The following GALNT11 variants were observed in gnomAD, a reference collection of about 807,000 sequenced individuals.
GALNT11 encodes polypeptide N-acetylgalactosaminyltransferase 11, also known as UDP-GalNAc:polypeptide N-acetylgalactosaminyltransferase 11.
In GALNT11, 47 loss-of-function variants were observed where a neutral mutation model predicts 72.7. That is an observed-to-expected ratio of 0.65 (90% CI 0.51 to 0.82). The LOEUF is 0.82. Ranked by LOEUF, GALNT11 falls within the 40% of genes least tolerant of loss-of-function variation. The pLI, the probability that GALNT11 is intolerant of heterozygous loss-of-function variation, is 0.00. For missense variants in GALNT11, 677 were observed against 778.4 expected, an observed-to-expected ratio of 0.87 and a Z score of 1.55; for synonymous variants, 270 against 286.6, an observed-to-expected ratio of 0.94 and a Z score of 0.58.
intron 1 of GALNT11, among the ~76,000 whole-genome samples, chr7:152,045,654 A>G (rs2083083494): frequency 6.6e-6 from 1 of 151,500 alleles, no homozygotes; most frequent in Non-Finnish European, 1.5e-5. Context: ...CTCTGATTTT[A>G]TTGATTTGGG....
chr7:152,100,580 A>C (rs1345287080), intron 2 of GALNT11, among the ~76,000 whole-genome samples: 1 of 151,854 alleles, frequency 6.6e-6, no homozygotes, highest in Non-Finnish European at 1.5e-5. Context: ...AAAAAAAAAA[A>C]TTATGGCTTG....
chr7:152,087,701 A>T (rs1563063996), intron 1 of GALNT11, among the ~76,000 whole-genome samples: 2 of 152,268 alleles, frequency 1.3e-5, no homozygotes, highest in Non-Finnish European at 1.5e-5. Context: ...ATTAAACAAG[A>T]AAACAAACAG....
intron 2 of GALNT11, among the ~76,000 whole-genome samples, chr7:152,100,080 G>C (rs940095825): frequency 6.6e-6 from 1 of 150,690 alleles, no homozygotes; most frequent in Admixed American, 6.6e-5. Context: ...CGTCTGACCC[G>C]GGAAGCTCTT....
chr7:152,051,352 C>T (rs2083397352), intron 1 of GALNT11, among the ~76,000 whole-genome samples: 2 of 151,366 alleles, frequency 1.3e-5, no homozygotes, highest in South Asian at 4.2e-4. Flanking sequence ...TCTTGTACAA[C>T]TTCATATATT....
At chr7:152,030,867 A>C (rs2082275840) in intron 1 of GALNT11, among the ~76,000 whole-genome samples, 1 of 151,862 alleles carries the variant, frequency 6.6e-6, no homozygotes, top group Admixed American at 6.6e-5. Context: ...TTCCTCTGCC[A>C]GCCACTTATG....
chr7:152,030,145 CAA>C (rs780100224), intron 1 of GALNT11, among the ~76,000 whole-genome samples: 6 of 152,180 alleles, frequency 3.9e-5, no homozygotes, highest in South Asian at 2.1e-4. Flanking sequence ...AAAGAAAAGA[CAA>C]GAGGTAGAGG....
chr7:152,061,102 T>G (rs2083988151), intron 1 of GALNT11, among the ~76,000 whole-genome samples: 1 of 152,146 alleles, frequency 6.6e-6, no homozygotes, highest in Non-Finnish European at 1.5e-5. Context: ...AGTGTAAAAG[T>G]GTTCCTATTT....
chr7:152,054,508 T>C (rs1290145857), intron 1 of GALNT11, among the ~76,000 whole-genome samples: 5 of 145,986 alleles, frequency 3.4e-5, no homozygotes, highest in African/African-American at 1.0e-4. Context: ...CTTGTCTTTT[T>C]TTTTTTTTTT....
intron 1 of GALNT11, among the ~76,000 whole-genome samples, chr7:152,092,403 C>T (rs1235252221): frequency 1.3e-5 from 2 of 152,154 alleles, no homozygotes; most frequent in Non-Finnish European, 2.9e-5. Context: ...TTTAAAAGTA[C>T]CTGCAGCTGA....
Position 152,027,746 on chromosome 7 carries a change from A to G in GALNT11, c.-39+1862A>G, listed in dbSNP as rs897036354. Reference sequence around the variant, plus strand: ...GAGTGTTACAGTTCTTAAAGATGGTATGTCGAGAGTTTGTTCCTTCTGATG... The same window carrying G: ...GAGTGTTACAGTTCTTAAAGATGGTGTGTCGAGAGTTTGTTCCTTCTGATG... On this transcript the variant is annotated intron_variant, in intron 1 of 11. Coordinates refer to ENST00000430044, the MANE Select transcript of GALNT11 (RefSeq NM_022087.4). The G allele has an allele frequency of 4.5e-5, 7 of 155,646 alleles. No homozygotes were observed. In the Admixed American group the frequency reaches 4.6e-4, roughly 10 times the overall value. 9.6% of individuals were successfully genotyped at this position (155,646 alleles called of 1,614,324 possible).
intron 1 of GALNT11, among the ~76,000 whole-genome samples, chr7:152,081,101 A>T (rs910182918): frequency 1.3e-5 from 2 of 152,212 alleles, no homozygotes; most frequent in African/African-American, 4.8e-5. Flanking sequence ...GATTTTCATT[A>T]AATCATTCAG....
intron 1 of GALNT11, among the ~76,000 whole-genome samples, chr7:152,056,701 T>C (rs1339083821): frequency 1.3e-5 from 2 of 152,222 alleles, no homozygotes; most frequent in East Asian, 3.8e-4. Context: ...CTGGAGGCTG[T>C]GTCCTTTGAC....
chr7:152,099,077 G>A (rs545819901), intron 2 of GALNT11, among the ~76,000 whole-genome samples: 1 of 152,202 alleles, frequency 6.6e-6, no homozygotes, highest in African/African-American at 2.4e-5. Flanking sequence ...AAGTAGCTGG[G>A]ATTACAGGCG....
intron 9 of GALNT11, 37 bp from the exon 10 acceptor site, chr7:152,118,641 T>C (rs775607319): frequency 1.3e-6 from 2 of 1,584,262 alleles, no homozygotes; most frequent in African/African-American, 1.4e-5. Context: ...GTCTCTGGGA[T>C]TGTTTCCCAC....
chr7:152,038,131 C>T (rs773090769), intron 1 of GALNT11, among the ~76,000 whole-genome samples: 11 of 152,058 alleles, frequency 7.2e-5, no homozygotes, highest in East Asian at 3.8e-4. Context: ...CATTCACTGC[C>T]GAGACCAGCT....
chr7:152,059,454 A>C (rs891401078), intron 1 of GALNT11, among the ~76,000 whole-genome samples: 1 of 152,140 alleles, frequency 6.6e-6, no homozygotes, highest in Non-Finnish European at 1.5e-5. Context: ...GAAAGTTTTC[A>C]ATTTATTTTG....
At chr7:152,075,540 G>A (rs1386644149) in intron 1 of GALNT11, among the ~76,000 whole-genome samples, 1 of 141,852 alleles carries the variant, frequency 7.0e-6, no homozygotes, top group Non-Finnish European at 1.5e-5. Context: ...CGTGGCTCCC[G>A]CCCATAATCC....
chr7:152,073,158 T>C (rs1424397444), intron 1 of GALNT11, among the ~76,000 whole-genome samples: 2 of 152,206 alleles, frequency 1.3e-5, no homozygotes, highest in East Asian at 3.8e-4. Flanking sequence ...GTTGGGAACA[T>C]TCAATATTCT....
At chr7:152,088,084 A>G (rs1190902542) in intron 1 of GALNT11, among the ~76,000 whole-genome samples, 29 of 152,220 alleles carry the variant, frequency 1.9e-4, no homozygotes, top group Admixed American at 1.9e-3. Context: ...CCCATTTAGC[A>G]TAGCTGGCGT....
Sources: gnomAD v4.1 joint callset for allele counts (sites outside exome capture counted in the v4.1 genomes callset) on GRCh38, gnomAD v4.1.1 for gene constraint, MANE v1.5 for transcripts, NCBI Gene and HGNC (gene_info 2026-07-23, HGNC 2026-07-21) for gene names.